The following SSH2 variants were observed in gnomAD, a reference collection of about 807,000 sequenced individuals.
SSH2 encodes the protein slingshot protein phosphatase 2.
Under a neutral mutation model 135.2 loss-of-function variants are expected in SSH2, and 37 were observed. The observed-to-expected ratio is 0.27, with a 90% CI of 0.21 to 0.36. The LOEUF is 0.36. Among genes scored for constraint, SSH2 ranks in the 10% least tolerant of loss-of-function variants. The pLI is 1.00. For missense variants in SSH2, 1,408 were observed against 1,765.3 expected (o/e 0.80, Z 3.63); for synonymous variants, 628 against 646.2 (o/e 0.97, Z 0.43).
intron 11 of SSH2, among the ~76,000 whole-genome samples, chr17:29,661,667 C>A (rs867957552): frequency 1.3e-5 from 2 of 152,190 alleles, no homozygotes; most frequent in African/African-American, 4.8e-5. Context: ...AGAAGTTAAA[C>A]TGGAGCCAGC....
chr17:29,790,387 A>G (rs1343124295), intron 3 of SSH2, among the ~76,000 whole-genome samples: 2 of 152,202 alleles, frequency 1.3e-5, no homozygotes, highest in East Asian at 1.9e-4. Context: ...ACACCCTCAC[A>G]TGAACATTCT....
At chr17:29,881,606 A>G (rs2066139206) in intron 1 of SSH2, among the ~76,000 whole-genome samples, 1 of 151,778 alleles carries the variant, frequency 6.6e-6, no homozygotes, top group Non-Finnish European at 1.5e-5. Flanking sequence ...CGTTCAAGCA[A>G]TTCTCCTGCC....
intron 2 of SSH2, among the ~76,000 whole-genome samples, chr17:29,831,484 TA>T (rs1318228555): frequency 6.6e-6 from 1 of 152,062 alleles, no homozygotes; most frequent in Non-Finnish European, 1.5e-5. Context: ...TTTTTAAGTC[TA>T]AAGTGAATTT....
At chr17:29,723,121 T>A (rs943553149) in intron 3 of SSH2, among the ~76,000 whole-genome samples, 4 of 151,792 alleles carry the variant, frequency 2.6e-5, no homozygotes, top group Admixed American at 2.6e-4. Context: ...ATCCCATCTC[T>A]GTGGGCAAGA....
intron 3 of SSH2, among the ~76,000 whole-genome samples, chr17:29,757,053 A>G (rs2041152377): frequency 6.6e-6 from 1 of 152,216 alleles, no homozygotes; most frequent in Non-Finnish European, 1.5e-5. Flanking sequence ...CGAGAGAACC[A>G]CTGGGCTAAG....
Position 29,861,626 on chromosome 17 carries a change from C to T in SSH2, c.64-12697G>A, listed in dbSNP as rs766137530. ...CTGTCCAGGCTAGAGTGCAGTGGTG[C>T]GATCTCGGCTCACTGCAACCTTCCA... On this transcript the variant is annotated intron_variant, in intron 1 of 15. Transcript: ENST00000540801. Among the ~76,000 whole-genome samples, 9 of 151,588 alleles carry T rather than the reference C, an allele frequency of 5.9e-5. No homozygotes were observed. The East Asian group carries it at 7.8e-4, about 13-fold the overall frequency.
rs564808748 is a variant in SSH2, at chr17:29,765,565, A to G, written c.188+28329T>C. Among the ~76,000 whole-genome samples the G allele has an allele frequency of 9.8e-5, 15 of 152,318 alleles. No individual in the cohort carries two copies. The South Asian group carries it at 3.1e-3, about 32-fold the overall frequency. On this transcript the variant is annotated intron_variant, in intron 3 of 15. Transcript: ENST00000540801. Reference sequence around the variant, plus strand: ...CTCTATGCTCTTTTCCACAAATCTGAAAAATAGCTAAAGTGGACAACATTA... The same window carrying G: ...CTCTATGCTCTTTTCCACAAATCTGGAAAATAGCTAAAGTGGACAACATTA...
At chr17:29,634,839 C>G (rs1012809382) in intron 15 of SSH2, among the ~76,000 whole-genome samples, 14 of 152,130 alleles carry the variant, frequency 9.2e-5, no homozygotes, top group Non-Finnish European at 1.6e-4. Flanking sequence ...GCGTGAGCCA[C>G]TGAGCCTGGC....
At chr17:29,889,856 G>A (rs1303262806) in intron 1 of SSH2, among the ~76,000 whole-genome samples, 1 of 128,672 alleles carries the variant, frequency 7.8e-6, no homozygotes, top group Non-Finnish European at 1.6e-5. Flanking sequence ...CAGACACCAA[G>A]ACTGGGGCAG....
At chr17:29,808,697 C>G (rs767080852) in intron 2 of SSH2, among the ~76,000 whole-genome samples, 24 of 152,122 alleles carry the variant, frequency 1.6e-4, no homozygotes, top group Non-Finnish European at 2.6e-4. Context: ...TGGGGAAGTT[C>G]TTTATCCCTT....
In SSH2 at chr17:29,908,067, C is replaced by T. The variant is rs1009427347; in HGVS notation, c.63+21871G>A. 7.9e-5 allele frequency among the ~76,000 whole-genome samples: 12 copies of T among 152,154 alleles called. No homozygotes were observed. In the South Asian group the frequency reaches 8.3e-4, roughly 11 times the overall value. On this transcript the variant is annotated intron_variant, in intron 1 of 15. Transcript: ENST00000540801. ...CTGGCCTCAAGTGATCTTCCCACCT[C>T]GGCCTCCCAAAGTGCTGGGATTTTG...
chr17:29,876,991 GA>G (rs1446106730), intron 1 of SSH2, among the ~76,000 whole-genome samples: 1 of 151,822 alleles, frequency 6.6e-6, no homozygotes, highest in Non-Finnish European at 1.5e-5. Context: ...TTAATAACCA[GA>G]ACACATGAGG....
At chr17:29,693,525 T>C (rs1215421776) in intron 5 of SSH2, among the ~76,000 whole-genome samples, 1 of 152,020 alleles carries the variant, frequency 6.6e-6, no homozygotes, top group Admixed American at 6.6e-5. Context: ...TTGGCCAGGC[T>C]GGTCTTGAAC....
At chr17:29,814,222 T>A (rs1371595044) in intron 2 of SSH2, among the ~76,000 whole-genome samples, 1 of 144,226 alleles carries the variant, frequency 6.9e-6, no homozygotes, top group Non-Finnish European at 1.5e-5. Context: ...GATCACCAGG[T>A]CAGGAGTTCG....
At chr17:29,757,075 A>ATC (rs1489269667) in intron 3 of SSH2, among the ~76,000 whole-genome samples, 1 of 152,200 alleles carries the variant, frequency 6.6e-6, no homozygotes, top group Non-Finnish European at 1.5e-5. Flanking sequence ...GTACTCATGT[A>ATC]TCAAGGTACT....
At chr17:29,682,738 C>A (rs1374076008) in intron 6 of SSH2, among the ~76,000 whole-genome samples, 2 of 152,136 alleles carry the variant, frequency 1.3e-5, no homozygotes, top group Non-Finnish European at 2.9e-5. Flanking sequence ...CAACACAGAT[C>A]TAGAAAGATT....
At chr17:29,668,301 T>C (rs529572224) in intron 9 of SSH2, among the ~76,000 whole-genome samples, 3 of 152,262 alleles carry the variant, frequency 2.0e-5, no homozygotes, top group Non-Finnish European at 4.4e-5. Flanking sequence ...AGAATACAGC[T>C]AATACCTGAG....
chr17:29,930,046 T>C lies in SSH2; in HGVS notation c.-46A>G, dbSNP rs763161164. 5.3e-6 allele frequency: 6 copies of C among 1,131,854 alleles called. No homozygotes were observed. The highest frequency in any genetic ancestry group is 5.6e-6 in the Non-Finnish European group (5 of 888,134). The allele number at this position is 1,131,854 out of a possible 1,614,324, so 70.1% of individuals were successfully genotyped here. A position where few individuals can be genotyped will look rare whatever the true frequency, so the allele number is the denominator to read the frequency against. On this transcript the variant is annotated 5_prime_UTR_variant, in exon 1 of 16. Coordinates refer to ENST00000540801, the MANE Select transcript of SSH2 (RefSeq NM_001282129.2). ...CCGGGCAGGGCATTCTTGTCCTGAG[T>C]GTGGGGGACGGGAGGGTGACGGAGC...
intron 3 of SSH2, chr17:29,761,243 G>C: frequency 4.7e-6 from 6 of 1,289,554 alleles, no homozygotes; most frequent in South Asian, 1.2e-5. Flanking sequence ...AGCGAGGGGC[G>C]CCTTCCTCTT....
Sources: allele counts gnomAD v4.1 joint callset (sites outside exome capture counted in the v4.1 genomes callset), GRCh38; gene constraint gnomAD v4.1.1; transcripts MANE v1.5; gene names NCBI Gene and HGNC (gene_info 2026-07-23, HGNC 2026-07-21).